Variants in BMPR1B observed in about 807,000 individuals in gnomAD.
The protein encoded by BMPR1B is bone morphogenetic protein receptor type-1B.
In BMPR1B, 12 loss-of-function variants were observed where a neutral mutation model predicts 59.1. The observed-to-expected ratio is 0.20, with a 90% CI of 0.13 to 0.33. The LOEUF (loss-of-function observed/expected upper bound fraction) is 0.33, where lower values mean the gene tolerates loss of function less well. Among genes scored for constraint, BMPR1B ranks in the 10% least tolerant of loss-of-function variants. BMPR1B has a pLI of 1.00. For missense variants in BMPR1B, 550 were observed against 610.9 expected, an observed-to-expected ratio of 0.90 and a Z score of 1.05; for synonymous variants, 237 against 207.3, an observed-to-expected ratio of 1.14 and a Z score of -1.23.
At chr4:94,961,493 T>G (rs1454155277) in intron 2 of BMPR1B, among the ~76,000 whole-genome samples, 1 of 152,238 alleles carries the variant, frequency 6.6e-6, no homozygotes. Context: ...TGCTGATTCC[T>G]TATCAGGGTA....
chr4:94,979,795 C>G (rs1268437792), intron 2 of BMPR1B, among the ~76,000 whole-genome samples: 1 of 152,220 alleles, frequency 6.6e-6, no homozygotes, highest in East Asian at 1.9e-4. Flanking sequence ...GCCACACCAG[C>G]TTGGCTAATC....
At chr4:95,135,970 G>A (rs935316353) in intron 10 of BMPR1B, among the ~76,000 whole-genome samples, 4 of 152,176 alleles carry the variant, frequency 2.6e-5, no homozygotes, top group African/African-American at 9.7e-5. Flanking sequence ...TCCAGTGTTT[G>A]CCCATTCAGT....
intron 1 of BMPR1B, among the ~76,000 whole-genome samples, chr4:94,805,400 G>C (rs964657364): frequency 6.6e-6 from 1 of 152,088 alleles, no homozygotes; most frequent in South Asian, 2.1e-4. Flanking sequence ...AATTTCATTT[G>C]CTGAAAGGAA....
chr4:94,779,042 ATTC>A (rs1314598512), intron 1 of BMPR1B, among the ~76,000 whole-genome samples: 1 of 152,070 alleles, frequency 6.6e-6, no homozygotes, highest in Admixed American at 6.5e-5. Flanking sequence ...CAAATTTTTC[ATTC>A]TTTTAATTTA....
chr4:95,134,503 A>T (rs567032534), intron 10 of BMPR1B, among the ~76,000 whole-genome samples: 1 of 152,098 alleles, frequency 6.6e-6, no homozygotes, highest in Non-Finnish European at 1.5e-5. Context: ...AAGTGTTCCT[A>T]TTTCTCCACA....
At chr4:94,924,570 G>C (rs1368364091) in intron 2 of BMPR1B, among the ~76,000 whole-genome samples, 1 of 152,058 alleles carries the variant, frequency 6.6e-6, no homozygotes, top group Non-Finnish European at 1.5e-5. Context: ...ATGTTAAGGT[G>C]GACTGTTTTA....
rs1235040341 is a variant in BMPR1B, at chr4:94,758,525, G to GCGGGGCGGGGGCC, written c.-183+459_-183+471dup. Among the ~76,000 whole-genome samples the GCGGGGCGGGGGCC allele has an allele frequency of 3.9e-5, 6 of 152,060 alleles. No homozygotes were observed. The East Asian group carries it at 9.8e-4, about 25-fold the overall frequency. On this transcript the variant is annotated intron_variant, in intron 1 of 12. Transcript: ENST00000515059. ...AATCCGGGAAATGGGAGGGAGCCCGGCGGGGCGGGGGCCCAGGGCCAGCCC... is the reference window on the plus strand; with the variant it reads ...AATCCGGGAAATGGGAGGGAGCCCGGCGGGGCGGGGGCCCGGGGCGGGGGCCCAGGGCCAGCCC...
chr4:94,766,407 CTT>C (rs33979041), intron 1 of BMPR1B, among the ~76,000 whole-genome samples: 131 of 133,144 alleles, frequency 9.8e-4, no homozygotes, highest in African/African-American at 1.7e-3. Flanking sequence ...CGGCTCCTGT[CTT>C]TTTTTTTTTT....
At chr4:95,109,343 A>T (rs1424152463) in intron 4 of BMPR1B, among the ~76,000 whole-genome samples, 1 of 151,996 alleles carries the variant, frequency 6.6e-6, no homozygotes, top group South Asian at 2.1e-4. Context: ...TAAGCCTCCA[A>T]CTCTGTATCC....
rs1447122458 is a variant in BMPR1B at position 94,789,887 on chromosome 4, C to T, written c.-183+31819C>T. Among the ~76,000 whole-genome samples the T allele has an allele frequency of 3.3e-5, 5 of 152,072 alleles. No homozygotes were observed. The East Asian group carries it at 7.7e-4, about 23-fold the overall frequency. On this transcript the variant is annotated intron_variant, in intron 1 of 12. Coordinates refer to ENST00000515059, the MANE Select transcript of BMPR1B (RefSeq NM_001203.3). ...AGGTGGATTTTCTGCCTCTGTCACC[C>T]CTGAGACAGCAAATAGAGGATTTGC...
At chr4:94,774,428 T>C (rs537862040) in intron 1 of BMPR1B, among the ~76,000 whole-genome samples, 1 of 152,168 alleles carries the variant, frequency 6.6e-6, no homozygotes, top group South Asian at 2.1e-4. Context: ...GATGATAAAA[T>C]CTTTTAATCA....
intron 2 of BMPR1B, among the ~76,000 whole-genome samples, chr4:94,935,904 CAGA>C (rs1275480171): frequency 5.9e-5 from 9 of 152,138 alleles, no homozygotes; most frequent in African/African-American, 1.7e-4. Flanking sequence ...TTGCCTCTAA[CAGA>C]GGAGTGAAAA....
At chr4:95,006,948 G>A (rs1178559350) in intron 3 of BMPR1B, among the ~76,000 whole-genome samples, 1 of 152,150 alleles carries the variant, frequency 6.6e-6, no homozygotes, top group East Asian at 1.9e-4. Context: ...AAGTAGTGCA[G>A]CAATTCATAA....
intron 3 of BMPR1B, among the ~76,000 whole-genome samples, chr4:95,040,160 C>T (rs1360331822): frequency 6.6e-6 from 1 of 152,066 alleles, no homozygotes; most frequent in Admixed American, 6.5e-5. Flanking sequence ...TTAGTATCTT[C>T]TCTTCTAAGA....
intron 1 of BMPR1B, among the ~76,000 whole-genome samples, chr4:94,795,459 G>C (rs1055945670): frequency 6.6e-6 from 1 of 151,576 alleles, no homozygotes; most frequent in Non-Finnish European, 1.5e-5. Context: ...AAACTAGTTT[G>C]GCTCTGGATT....
intron 3 of BMPR1B, among the ~76,000 whole-genome samples, chr4:95,039,468 C>A (rs535873245): frequency 6.0e-5 from 9 of 149,970 alleles, no homozygotes; most frequent in Non-Finnish European, 1.2e-4. Flanking sequence ...GCATCCAAAC[C>A]AATCCCCAGT....
chr4:95,033,775 A>G (rs1340203717), intron 3 of BMPR1B, among the ~76,000 whole-genome samples: 2 of 152,156 alleles, frequency 1.3e-5, no homozygotes, highest in Non-Finnish European at 2.9e-5. Flanking sequence ...TGTTTTGTTT[A>G]TTTTTTAAAG....
chr4:94,770,196 T>TTTTTTTTTTTTTTTTTTTTTTTTTTTC (rs1722132659), intron 1 of BMPR1B, among the ~76,000 whole-genome samples: 1 of 147,686 alleles, frequency 6.8e-6, no homozygotes, highest in Non-Finnish European at 1.5e-5. Flanking sequence ...GTTTTTTTTT[T>TTTTTTTTTTTTTTTTTTTTTTTTTTTC]TTTTTTTTGC....
At chr4:94,900,203 A>G (rs898291954) in intron 2 of BMPR1B, among the ~76,000 whole-genome samples, 1 of 151,896 alleles carries the variant, frequency 6.6e-6, no homozygotes, top group African/African-American at 2.4e-5. Context: ...AAGACACCAC[A>G]GTGTAATGCG....
Sources: gnomAD v4.1 joint callset for allele counts (sites outside exome capture counted in the v4.1 genomes callset) on GRCh38, gnomAD v4.1.1 for gene constraint, MANE v1.5 for transcripts, NCBI Gene and HGNC (gene_info 2026-07-23, HGNC 2026-07-21) for gene names.